The following CADM1 variants were observed in gnomAD, a reference collection of about 807,000 sequenced individuals.
CADM1 encodes TSLC-1.
A neutral mutation model predicts 53.1 loss-of-function variants in CADM1; 15 were observed. The observed-to-expected ratio is 0.28, with a 90% CI of 0.19 to 0.44. The LOEUF (loss-of-function observed/expected upper bound fraction) is 0.44, where lower values mean the gene tolerates loss of function less well. CADM1 is among the 20% of genes least tolerant of loss of function. CADM1 has a pLI of 1.00. For missense variants in CADM1, 434 were observed against 611.3 expected (o/e 0.71, Z 3.06); for synonymous variants, 281 against 243.0 (o/e 1.16, Z -1.45).
intron 1 of CADM1, among the ~76,000 whole-genome samples, chr11:115,315,553 A>G (rs917200673): frequency 5.3e-5 from 8 of 152,096 alleles, no homozygotes; most frequent in Non-Finnish European, 1.0e-4. Context: ...AGATTGTTAA[A>G]TTCACATGGC....
rs569883566 is a variant in CADM1, at chr11:115,205,211, T to C, written c.1078+4363A>G. On this transcript the variant is annotated intron_variant, in intron 8 of 11. Coordinates refer to ENST00000331581, the MANE Select transcript of CADM1 (RefSeq NM_001301043.2). ...ACTGAGTGTGGAGTCCTTTCTATGATATTCCTCATCAAGCATCTAACTCAA... is the reference window on the plus strand; with the variant it reads ...ACTGAGTGTGGAGTCCTTTCTATGACATTCCTCATCAAGCATCTAACTCAA... Among the ~76,000 whole-genome samples, 5 of 152,282 alleles carry C rather than the reference T, an allele frequency of 3.3e-5. No homozygotes were observed. The East Asian group carries it at 9.7e-4, about 29-fold the overall frequency.
chr11:115,335,455 G>GTA (rs142917902), intron 1 of CADM1, among the ~76,000 whole-genome samples: 14 of 152,146 alleles, frequency 9.2e-5, no homozygotes, highest in African/African-American at 3.4e-4. Flanking sequence ...ATAGCCTCAT[G>GTA]TATATATATA....
rs543011726 is a variant in CADM1 at position 115,206,668 on chromosome 11, A to G, written c.1078+2906T>C. Among the ~76,000 whole-genome samples, 4 of 144,638 alleles carry G rather than the reference A, an allele frequency of 2.8e-5. No individual in the cohort carries two copies. In the East Asian group the frequency reaches 8.5e-4, roughly 31 times the overall value. 94.9% of individuals were successfully genotyped at this position (144,638 alleles called of 152,430 possible). On this transcript the variant is annotated intron_variant, in intron 8 of 11. Transcript: ENST00000331581. The stretch of plus-strand genomic sequence containing the variant: ...AAAAATATTTTTCTATTGCATGTGT[A>G]CATTTTTCTTGTAATGAAACCCTGA...
intron 1 of CADM1, among the ~76,000 whole-genome samples, chr11:115,269,160 T>C (rs1261734191): frequency 1.3e-5 from 2 of 152,156 alleles, no homozygotes; most frequent in African/African-American, 4.8e-5. Context: ...ATCCACATGC[T>C]GTCATTCAAG....
chr11:115,229,972 C>T (rs769269778), intron 4 of CADM1, among the ~76,000 whole-genome samples: 9 of 152,124 alleles, frequency 5.9e-5, no homozygotes, highest in South Asian at 4.1e-4. Context: ...AGGAGGCTTC[C>T]GGATGGAATG....
chr11:115,495,189 G>A (rs541307144), intron 1 of CADM1, among the ~76,000 whole-genome samples: 2 of 152,192 alleles, frequency 1.3e-5, no homozygotes, highest in Non-Finnish European at 2.9e-5. Flanking sequence ...GTTTAAATAA[G>A]GGTTTCTGCA....
chr11:115,356,890 T>G (rs1364446503), intron 1 of CADM1, among the ~76,000 whole-genome samples: 1 of 152,224 alleles, frequency 6.6e-6, no homozygotes, highest in East Asian at 1.9e-4. Flanking sequence ...AACCATTCTT[T>G]GTATTCTACA....
chr11:115,332,455 C>A (rs1034179375), intron 1 of CADM1, among the ~76,000 whole-genome samples: 1 of 152,072 alleles, frequency 6.6e-6, no homozygotes, highest in Non-Finnish European at 1.5e-5. Context: ...ATTAGTAAAG[C>A]CATCAAAAGG....
At chr11:115,388,035 T>C (rs1175071513) in intron 1 of CADM1, among the ~76,000 whole-genome samples, 1 of 151,968 alleles carries the variant, frequency 6.6e-6, no homozygotes, top group Non-Finnish European at 1.5e-5. Flanking sequence ...AAAAAGTTAG[T>C]GCTGAGAAAA....
chr11:115,475,292 C>T (rs926496516), intron 1 of CADM1, among the ~76,000 whole-genome samples: 43 of 151,820 alleles, frequency 2.8e-4, no homozygotes, highest in African/African-American at 9.9e-4. Context: ...TTCCTCTCTA[C>T]CTTAGGCTAA....
intron 1 of CADM1, among the ~76,000 whole-genome samples, chr11:115,494,108 A>C (rs1949557541): frequency 6.6e-6 from 1 of 152,154 alleles, no homozygotes; most frequent in East Asian, 1.9e-4. Flanking sequence ...GGGAAGAAAA[A>C]AGATGAGTAT....
chr11:115,377,433 T>C (rs1386329210), intron 1 of CADM1: 2 of 152,178 alleles, frequency 1.3e-5, no homozygotes, highest in Non-Finnish European at 2.9e-5. Context: ...CAAGTATGCA[T>C]CTTTTTGTTA....
chr11:115,427,635 T>G (rs1008356042), intron 1 of CADM1, among the ~76,000 whole-genome samples: 4 of 152,028 alleles, frequency 2.6e-5, no homozygotes, highest in African/African-American at 9.7e-5. Flanking sequence ...TCTAAAACAT[T>G]TTGTAAAGGG....
At chr11:115,441,568 T>G (rs1948313270) in intron 1 of CADM1, among the ~76,000 whole-genome samples, 1 of 152,134 alleles carries the variant, frequency 6.6e-6, no homozygotes, top group Non-Finnish European at 1.5e-5. Flanking sequence ...TGTGAGAAAT[T>G]TATCACTATG....
intron 8 of CADM1, among the ~76,000 whole-genome samples, chr11:115,199,119 C>A (rs1184586372): frequency 4.6e-5 from 7 of 152,192 alleles, no homozygotes; most frequent in Admixed American, 4.6e-4. Flanking sequence ...CACACACAAA[C>A]ACACACATCC....
intron 1 of CADM1, among the ~76,000 whole-genome samples, chr11:115,503,998 C>G (rs893297392): frequency 4.6e-5 from 7 of 152,080 alleles, no homozygotes; most frequent in African/African-American, 1.7e-4. Context: ...CATTCTCACT[C>G]CACTCTGCAC....
chr11:115,492,215 T>C (rs997475591), intron 1 of CADM1, among the ~76,000 whole-genome samples: 4 of 152,148 alleles, frequency 2.6e-5, no homozygotes, highest in African/African-American at 9.7e-5. Flanking sequence ...ATACATATTA[T>C]AGGCAGATAT....
At chr11:115,295,211 T>C (rs747349782) in intron 1 of CADM1, among the ~76,000 whole-genome samples, 5 of 152,114 alleles carry the variant, frequency 3.3e-5, no homozygotes, top group Non-Finnish European at 5.9e-5. Context: ...AATAGAGTCC[T>C]GGGCACTTTC....
At chr11:115,394,016 T>C (rs1946919285) in intron 1 of CADM1, among the ~76,000 whole-genome samples, 1 of 152,222 alleles carries the variant, frequency 6.6e-6, no homozygotes, top group Non-Finnish European at 1.5e-5. Context: ...GAAGCCCTTT[T>C]TCATAGTATG....
Sources: allele counts gnomAD v4.1 joint callset (sites outside exome capture counted in the v4.1 genomes callset), GRCh38; gene constraint gnomAD v4.1.1; transcripts MANE v1.5; gene names NCBI Gene and HGNC (gene_info 2026-07-23, HGNC 2026-07-21).